SLC26A7: variants seen among roughly 807,000 people sequenced by gnomAD.
SLC26A7 encodes the protein anion exchange transporter.
In SLC26A7, 59 loss-of-function variants were observed where a neutral mutation model predicts 82.5. The observed-to-expected ratio is 0.72, with a 90% confidence interval of 0.58 to 0.89. The LOEUF (loss-of-function observed/expected upper bound fraction) is 0.89. Among genes scored for constraint, SLC26A7 ranks in the 40% least tolerant of loss-of-function variants. SLC26A7 has a pLI of 0.00. For missense variants in SLC26A7, 820 were observed against 793.0 expected (o/e 1.03, Z -0.41); for synonymous variants, 271 against 274.3 (o/e 0.99, Z 0.12).
chr8:91,374,636 C>T (rs1205383828), intron 15 of SLC26A7, among the ~76,000 whole-genome samples: 1 of 151,768 alleles, frequency 6.6e-6, no homozygotes, highest in Admixed American at 6.6e-5. Flanking sequence ...TTTAGATTTG[C>T]TTTATGATCA....
At chr8:91,344,152 G>A in intron 9 of SLC26A7, 2 of 985,338 alleles carry the variant, frequency 2.0e-6, no homozygotes, top group Non-Finnish European at 2.4e-6. Flanking sequence ...AAATGAACTT[G>A]TTTAATCCTA....
chr8:91,389,504 C>A, intron 16 of SLC26A7, 66 bp downstream of exon 16: 1 of 1,094,806 alleles, frequency 9.1e-7, no homozygotes, highest in Non-Finnish European at 1.4e-6. Context: ...GTTTTCACCA[C>A]CTTCTCTCCA....
Position 91,362,449 on chromosome 8 carries a change from C to T in SLC26A7, c.1411C>T (p.Arg471Cys), listed in dbSNP as rs559274101. 1.6e-4 allele frequency: 265 copies of T among 1,612,016 alleles called. 1 individual carries two copies. The South Asian group carries it at 2.4e-3, about 15-fold the overall frequency. ...VVCTIAIVIGRFPRAMTVSIK... is the reference protein window; with the variant it reads ...VVCTIAIVIGCFPRAMTVSIK... ...TTGTACCATAGCTATAGTGATAGGA[C>T]GCTTCCCAAGGTAGGATCCTATGTA... The change falls in exon 12 of 19, where the codon CGC (arginine) becomes TGC (cysteine). Residue 471 changes from arginine (R) to cysteine (C), a missense_variant. Physicochemically the swap from Arg to Cys is radical, Grantham distance 180. Transcript: ENST00000276609.
chr8:91,244,598 A>T (rs1170561085), upstream of SLC26A7, among the ~76,000 whole-genome samples: 2 of 151,478 alleles, frequency 1.3e-5, no homozygotes, highest in East Asian at 3.9e-4. Flanking sequence ...CGACCTCCTG[A>T]GTTCAAGTGA....
intron 2 of SLC26A7, among the ~76,000 whole-genome samples, chr8:91,254,114 G>A (rs962835978): frequency 3.3e-5 from 5 of 152,020 alleles, no homozygotes; most frequent in Admixed American, 6.6e-5. Context: ...TAAAAGATAT[G>A]TTTTCTTTGT....
At chr8:91,344,552 T>A (rs1052674994) in intron 9 of SLC26A7, among the ~76,000 whole-genome samples, 2 of 152,172 alleles carry the variant, frequency 1.3e-5, no homozygotes, top group Admixed American at 1.3e-4. Context: ...GTTGACCTTG[T>A]GGGAAAGTGA....
rs375848593 is a variant in SLC26A7 at position 91,318,205 on chromosome 8, T to C, written c.478-11T>C. The C allele has an allele frequency of 3.4e-5, 54 of 1,587,640 alleles. No individual in the cohort carries two copies. In the African/African-American group the frequency reaches 5.9e-4, roughly 17 times the overall value. ...TCTGAAGTTCATCTCACTTCTCCCT[T>C]CTCCTCTTAGGTGGCCATGTTTGTG... On this transcript the variant is annotated splice_polypyrimidine_tract_variant and intron_variant, in intron 4 of 18. Transcript: ENST00000276609.
chr8:91,359,992 A>G (rs1342280741), intron 11 of SLC26A7, among the ~76,000 whole-genome samples: 5 of 152,122 alleles, frequency 3.3e-5, no homozygotes, highest in East Asian at 3.9e-4. Flanking sequence ...ACCTCTTTAC[A>G]TCTATTAACA....
chr8:91,368,414 T>TC lies in SLC26A7; in HGVS notation c.1627-1371_1627-1370insC, dbSNP rs367669839. Among the ~76,000 whole-genome samples the TC allele has an allele frequency of 1.1e-3, 54 of 47,366 alleles. 2 individuals are homozygous for TC. The highest frequency in any genetic ancestry group is 0.01 in the Middle Eastern group (1 of 96). 31.1% of individuals were successfully genotyped at this position (47,366 alleles called of 152,430 possible). On this transcript the variant is annotated intron_variant, in intron 14 of 18. Transcript: ENST00000276609. The stretch of plus-strand genomic sequence containing the variant: ...TTTGCAAGGGAGATTTCAGATGAGG[T>TC]TTTTTTTTTTGTTTTTTTTTTTGAG...
chr8:91,331,592 G>A (rs1027178581), intron 5 of SLC26A7, among the ~76,000 whole-genome samples: 4 of 152,068 alleles, frequency 2.6e-5, no homozygotes, highest in Non-Finnish European at 5.9e-5. Context: ...GCTTTATTGA[G>A]ATATAATTGC....
chr8:91,388,796 C>T (rs941236881), intron 15 of SLC26A7, among the ~76,000 whole-genome samples: 3 of 151,856 alleles, frequency 2.0e-5, no homozygotes, highest in Admixed American at 2.0e-4. Context: ...CCGAATGAAG[C>T]TTAATTTTCA....
intron 15 of SLC26A7, among the ~76,000 whole-genome samples, chr8:91,380,832 A>G (rs1814650746): frequency 6.6e-6 from 1 of 152,192 alleles, no homozygotes; most frequent in African/African-American, 2.4e-5. Context: ...AAGTACACAC[A>G]CAAGAATATT....
chr8:91,218,980 T>C, exon 2 of SLC26A7: 1 of 1,549,060 alleles, frequency 6.5e-7, no homozygotes, highest in African/African-American at 1.4e-5. Context: ...CCCTAACCTC[T>C]TTGGAATTGC....
chr8:91,299,417 T>TTTAAG (rs147506968), intron 4 of SLC26A7, among the ~76,000 whole-genome samples: 36,437 of 151,704 alleles, frequency 0.24, 6,341 homozygotes, highest in African/African-American at 0.49. Context: ...ACTTCCATGA[T>TTTAAG]TTATTTTTTT....
At chr8:91,319,199 G>A (rs905875306) in intron 5 of SLC26A7, among the ~76,000 whole-genome samples, 4 of 152,012 alleles carry the variant, frequency 2.6e-5, no homozygotes, top group East Asian at 1.9e-4. Flanking sequence ...ACATGGCCCC[G>A]TGAGGATCCT....
chr8:91,268,842 T>G (rs1037344655), intron 2 of SLC26A7, among the ~76,000 whole-genome samples: 2 of 151,724 alleles, frequency 1.3e-5, no homozygotes, highest in Non-Finnish European at 2.9e-5. Context: ...TTTTAGTGTA[T>G]CCATTATAGA....
At chr8:91,235,641 A>G (rs746143701) in intron 2 of SLC26A7, among the ~76,000 whole-genome samples, 5 of 152,172 alleles carry the variant, frequency 3.3e-5, no homozygotes, top group Admixed American at 6.5e-5. Context: ...AAGTATACCT[A>G]AAAAAGATTA....
chr8:91,359,422 C>A (rs562310073), intron 11 of SLC26A7, among the ~76,000 whole-genome samples: 1 of 152,124 alleles, frequency 6.6e-6, no homozygotes, highest in Non-Finnish European at 1.5e-5. Context: ...AATGAGTTTG[C>A]ATTTGGACAT....
At chr8:91,289,684 A>G (rs1017939934) in intron 3 of SLC26A7, among the ~76,000 whole-genome samples, 11 of 152,178 alleles carry the variant, frequency 7.2e-5, no homozygotes, top group Non-Finnish European at 1.2e-4. Flanking sequence ...CTGAATTTAC[A>G]ATGAAATGAG....
Sources: gnomAD v4.1 joint callset for allele counts (sites outside exome capture counted in the v4.1 genomes callset) on GRCh38, gnomAD v4.1.1 for gene constraint, MANE v1.5 for transcripts, NCBI Gene and HGNC (gene_info 2026-07-23, HGNC 2026-07-21) for gene names.